Variants in ITGBL1 observed in about 807,000 individuals in gnomAD.
ITGBL1 encodes integrin subunit beta like 1.
ITGBL1 carries 51 observed loss-of-function variants against 68.5 expected under a neutral mutation model. The observed-to-expected ratio is 0.74, with a 90% confidence interval of 0.59 to 0.94. The LOEUF (loss-of-function observed/expected upper bound fraction) is 0.94. ITGBL1 is among the 40% of genes least tolerant of loss of function. ITGBL1 has a pLI of 0.00. For synonymous variants in ITGBL1, 209 were observed against 227.3 expected, an observed-to-expected ratio of 0.92 and a Z score of 0.72; for missense variants, 649 against 647.4, an observed-to-expected ratio of 1.00 and a Z score of -0.03.
chr13:101,512,539 T>C (rs1056563952), intron 2 of ITGBL1, among the ~76,000 whole-genome samples: 1 of 152,190 alleles, frequency 6.6e-6, no homozygotes, highest in African/African-American at 2.4e-5. Flanking sequence ...TTCATCGGAA[T>C]TGGATACAGA....
chr13:101,657,339 T>C (rs1416485782), intron 7 of ITGBL1, among the ~76,000 whole-genome samples: 1 of 152,234 alleles, frequency 6.6e-6, no homozygotes, highest in African/African-American at 2.4e-5. Flanking sequence ...TAAGCTTTTC[T>C]GAAACATATT....
chr13:101,618,042 C>T (rs2031435702), intron 7 of ITGBL1, among the ~76,000 whole-genome samples: 1 of 152,142 alleles, frequency 6.6e-6, no homozygotes. Flanking sequence ...GAGAATCTTC[C>T]TAGTATTCAC....
chr13:101,569,778 G>A (rs2050243899), intron 3 of ITGBL1, among the ~76,000 whole-genome samples: 1 of 152,100 alleles, frequency 6.6e-6, no homozygotes, highest in South Asian at 2.1e-4. Context: ...AAATGGTTTT[G>A]TGTTCTCAAA....
At chr13:101,620,865 A>G (rs1279297588) in intron 7 of ITGBL1, among the ~76,000 whole-genome samples, 2 of 152,158 alleles carry the variant, frequency 1.3e-5, no homozygotes, top group Non-Finnish European at 2.9e-5. Context: ...TGTTAGTTCC[A>G]TGGTAAATGT....
intron 2 of ITGBL1, among the ~76,000 whole-genome samples, chr13:101,526,136 T>TCTC (rs2049373128): frequency 4.5e-5 from 3 of 66,942 alleles, no homozygotes; most frequent in Non-Finnish European, 9.2e-5. Context: ...AAGGCTAGTT[T>TCTC]CTTCTTCTTC....
chr13:101,695,401 G>A (rs2033979206), intron 8 of ITGBL1, among the ~76,000 whole-genome samples: 1 of 152,156 alleles, frequency 6.6e-6, no homozygotes, highest in Non-Finnish European at 1.5e-5. Context: ...GAAAACCAAA[G>A]GGAAAAGAGT....
intron 6 of ITGBL1, among the ~76,000 whole-genome samples, chr13:101,597,644 C>G (rs2030068333): frequency 6.6e-6 from 1 of 151,914 alleles, no homozygotes; most frequent in African/African-American, 2.4e-5. Context: ...GTCTGCCCCC[C>G]TGGGTTCAAG....
chr13:101,719,188 G>A (rs2034832403), downstream of ITGBL1: 1 of 152,048 alleles, frequency 6.6e-6, no homozygotes, highest in African/African-American at 2.4e-5. Context: ...CTTACTTAAA[G>A]AATAAGTTTT....
intron 7 of ITGBL1, among the ~76,000 whole-genome samples, chr13:101,689,230 A>G (rs1215434480): frequency 7.3e-6 from 1 of 137,638 alleles, no homozygotes; most frequent in African/African-American, 2.6e-5. Flanking sequence ...AAAAAAAAAA[A>G]AAATTATGAG....
rs568811384 is a variant in ITGBL1 at position 101,458,743 on chromosome 13, G to A, written c.316+4643G>A. ...ATATAATACCTCATGCAATGTAAAT[G>A]CTATGTAAATAGTTGTTATACTGTA... On this transcript the variant is annotated intron_variant, in intron 2 of 10. Coordinates refer to ENST00000376180, the MANE Select transcript of ITGBL1 (RefSeq NM_004791.3). 2.5e-4 allele frequency among the ~76,000 whole-genome samples: 38 copies of A among 152,264 alleles called. No homozygotes were observed. In the East Asian group the frequency reaches 7.2e-3, roughly 29 times the overall value.
At chr13:101,642,547 T>G (rs1337541162) in intron 7 of ITGBL1, among the ~76,000 whole-genome samples, 1 of 152,254 alleles carries the variant, frequency 6.6e-6, no homozygotes, top group Non-Finnish European at 1.5e-5. Flanking sequence ...TCTTTTGCTG[T>G]GCAGAAGCTC....
intron 8 of ITGBL1, among the ~76,000 whole-genome samples, chr13:101,695,997 T>A (rs757521543): frequency 9.2e-5 from 14 of 152,168 alleles, no homozygotes; most frequent in Non-Finnish European, 1.6e-4. Flanking sequence ...TACGGAATCA[T>A]CGGGAAAGAT....
chr13:101,605,963 CAT>C (rs1192366370), intron 7 of ITGBL1, among the ~76,000 whole-genome samples: 16 of 144,700 alleles, frequency 1.1e-4, no homozygotes, highest in East Asian at 1.0e-3. Flanking sequence ...CACATATACA[CAT>C]ATATATGCAT....
At chr13:101,633,857 A>C (rs2032074537) in intron 7 of ITGBL1, among the ~76,000 whole-genome samples, 1 of 152,170 alleles carries the variant, frequency 6.6e-6, no homozygotes, top group South Asian at 2.1e-4. Flanking sequence ...TATTTGTATT[A>C]GTCATCACAA....
chr13:101,665,349 C>A (rs2033188791), intron 7 of ITGBL1, among the ~76,000 whole-genome samples: 1 of 151,916 alleles, frequency 6.6e-6, no homozygotes, highest in Admixed American at 6.6e-5. Context: ...TGACATATTT[C>A]ATGAATATTC....
At chr13:101,699,717 C>T (rs1164420671) in intron 8 of ITGBL1, among the ~76,000 whole-genome samples, 1 of 152,208 alleles carries the variant, frequency 6.6e-6, no homozygotes, top group African/African-American at 2.4e-5. Context: ...TCTTTAAACA[C>T]AGATGTTGTT....
intron 2 of ITGBL1, among the ~76,000 whole-genome samples, chr13:101,479,358 A>G (rs954182296): frequency 2.0e-5 from 3 of 152,034 alleles, no homozygotes; most frequent in Non-Finnish European, 4.4e-5. Flanking sequence ...GAAACTACTA[A>G]AAGAAACAGT....
intron 7 of ITGBL1, among the ~76,000 whole-genome samples, chr13:101,653,505 A>G (rs894086712): frequency 6.6e-6 from 1 of 152,206 alleles, no homozygotes; most frequent in East Asian, 1.9e-4. Flanking sequence ...CAACAAATAT[A>G]TGTTAGGTAC....
At chr13:101,611,639 G>T (rs1402159906) in intron 7 of ITGBL1, among the ~76,000 whole-genome samples, 1 of 151,714 alleles carries the variant, frequency 6.6e-6, no homozygotes, top group East Asian at 1.9e-4. Flanking sequence ...AGTTAGTCTG[G>T]GTTCAGTCAC....
Sources: gnomAD v4.1 joint callset for allele counts (sites outside exome capture counted in the v4.1 genomes callset) on GRCh38, gnomAD v4.1.1 for gene constraint, MANE v1.5 for transcripts, NCBI Gene and HGNC (gene_info 2026-07-23, HGNC 2026-07-21) for gene names.